The following RUNX1T1 variants were observed in gnomAD, a reference collection of about 807,000 sequenced individuals.
RUNX1T1 encodes RUNX1 partner transcriptional co-repressor 1, also known as protein CBFA2T1.
Under a neutral mutation model 62.8 loss-of-function variants are expected in RUNX1T1, and 4 were observed. That is an observed-to-expected ratio of 0.06 (90% CI 0.03 to 0.15). The LOEUF (loss-of-function observed/expected upper bound fraction) is 0.15. Ranked by LOEUF, RUNX1T1 falls within the 10% of genes least tolerant of loss-of-function variation. The probability of loss-of-function intolerance (pLI) is 1.00; values close to 1 mark genes in which losing one functional copy is unlikely to be tolerated. For missense variants in RUNX1T1, 508 were observed against 754.3 expected, an observed-to-expected ratio of 0.67 and a Z score of 3.82; for synonymous variants, 291 against 286.0, an observed-to-expected ratio of 1.02 and a Z score of -0.18.
chr8:92,088,907 G>A (rs547799248), intron 1 of RUNX1T1, among the ~76,000 whole-genome samples: 5 of 152,242 alleles, frequency 3.3e-5, no homozygotes, highest in Admixed American at 2.6e-4. Context: ...TACCAACTAC[G>A]AGTTCACTGT....
At chr8:92,021,375 C>A (rs1261981587) in intron 1 of RUNX1T1, among the ~76,000 whole-genome samples, 1 of 152,084 alleles carries the variant, frequency 6.6e-6, no homozygotes, top group Non-Finnish European at 1.5e-5. Flanking sequence ...GGAGACTATC[C>A]ATGGACCAGA....
At chr8:91,970,556 T>A (rs904425404) in intron 10 of RUNX1T1, 102 bp downstream of exon 11, 23 of 1,114,258 alleles carry the variant, frequency 2.1e-5, no homozygotes, top group Non-Finnish European at 2.8e-5. Context: ...GTTCTAAATT[T>A]TTTTCCAAAT....
At chr8:91,958,728 C>CAAA (rs34044770), downstream of RUNX1T1, 5 of 130,180 alleles carry the variant, frequency 3.8e-5, no homozygotes, top group Non-Finnish European at 6.3e-5. Context: ...AGAATTTGCT[C>CAAA]AAAAAAAAAA....
chr8:91,998,006 AAGACAT>A (rs1319720153), intron 5 of RUNX1T1, among the ~76,000 whole-genome samples: 1 of 152,224 alleles, frequency 6.6e-6, no homozygotes, highest in Admixed American at 6.5e-5. Context: ...ACGCAGACCA[AAGACAT>A]TAATAACATC....
At chr8:91,970,043 T>TGTTGTGTGTGTG (rs11374252) in intron 10 of RUNX1T1, among the ~76,000 whole-genome samples, 7 of 142,716 alleles carry the variant, frequency 4.9e-5, no homozygotes, top group African/African-American at 1.9e-4. Context: ...TGTGTGTGTG[T>TGTTGTGTGTGTG]TGTGTGTGTG....
At chr8:92,016,404 C>G (rs989897761) in intron 2 of RUNX1T1, among the ~76,000 whole-genome samples, 2 of 152,142 alleles carry the variant, frequency 1.3e-5, no homozygotes, top group African/African-American at 4.8e-5. Context: ...CGACCGGGTG[C>G]GGTGGCTCAC....
At chr8:92,054,159 C>G (rs1384983578) in intron 1 of RUNX1T1, among the ~76,000 whole-genome samples, 1 of 151,190 alleles carries the variant, frequency 6.6e-6, no homozygotes, top group Non-Finnish European at 1.5e-5. Flanking sequence ...TTTTCAGGCT[C>G]TCACTTAAGC....
At chr8:92,062,862 T>G in exon 1 of RUNX1T1, 1 of 1,390,916 alleles carries the variant, frequency 7.2e-7, no homozygotes. Flanking sequence ...TCACAACCCC[T>G]ACCCTCCCCT....
chr8:92,083,637 T>C (rs1336583653), intron 1 of RUNX1T1, among the ~76,000 whole-genome samples: 1 of 152,198 alleles, frequency 6.6e-6, no homozygotes, highest in Non-Finnish European at 1.5e-5. Flanking sequence ...AGGAATACTT[T>C]TACACTGTTG....
At chr8:92,097,511 C>A (rs1837839073) in intron 1 of RUNX1T1, among the ~76,000 whole-genome samples, 1 of 152,142 alleles carries the variant, frequency 6.6e-6, no homozygotes, top group Admixed American at 6.5e-5. Context: ...ACACAGACTA[C>A]ATACAAACAC....
intron 10 of RUNX1T1, among the ~76,000 whole-genome samples, chr8:91,962,646 T>C (rs1285336168): frequency 6.6e-6 from 1 of 152,246 alleles, no homozygotes; most frequent in Non-Finnish European, 1.5e-5. Context: ...TGAGGTATAA[T>C]ACTCAGTGCT....
intron 2 of RUNX1T1, among the ~76,000 whole-genome samples, chr8:92,073,754 C>T (rs536872799): frequency 5.3e-5 from 8 of 152,210 alleles, no homozygotes; most frequent in Non-Finnish European, 7.4e-5. Context: ...AGGAGTAAAA[C>T]GGTGCAATCA....
intron 1 of RUNX1T1, among the ~76,000 whole-genome samples, chr8:92,096,782 A>T (rs571870374): frequency 9.2e-5 from 14 of 152,242 alleles, no homozygotes; most frequent in African/African-American, 3.4e-4. Flanking sequence ...AAGGAATAAA[A>T]TGGGGATGAA....
downstream of RUNX1T1, chr8:91,956,279 C>G (rs900196631): frequency 1.3e-5 from 3 of 231,884 alleles, no homozygotes; most frequent in African/African-American, 6.6e-5. Flanking sequence ...CTCCTCCTGC[C>G]TGAGAAACAT....
At chr8:92,033,192 G>T (rs1277717365) in intron 1 of RUNX1T1, among the ~76,000 whole-genome samples, 1 of 152,068 alleles carries the variant, frequency 6.6e-6, no homozygotes, top group Non-Finnish European at 1.5e-5. Context: ...ACTGGAAACA[G>T]CCTAACTATT....
At chr8:92,102,917 C>A, upstream of RUNX1T1, 1 of 1,512,966 alleles carries the variant, frequency 6.6e-7, no homozygotes, top group Non-Finnish European at 8.8e-7. The surrounding 1 kb of genome is among the most constrained non-coding windows in gnomAD (Gnocchi z 4.5). Context: ...AATAAAACTT[C>A]CCGTCGTCTC....
intron 1 of RUNX1T1, among the ~76,000 whole-genome samples, chr8:92,078,854 C>T (rs529882039): frequency 3.7e-4 from 56 of 152,260 alleles, no homozygotes; most frequent in African/African-American, 1.2e-3. Flanking sequence ...TAACCATATG[C>T]GCAATGTATT....
At chr8:91,994,503 T>G in intron 5 of RUNX1T1, 2 of 447,116 alleles carry the variant, frequency 4.5e-6, no homozygotes, top group South Asian at 1.8e-5. Flanking sequence ...GGCATTGTGG[T>G]GTAGTGGAAA....
At chr8:92,070,049 C>G (rs916402673) in intron 2 of RUNX1T1, among the ~76,000 whole-genome samples, 1 of 152,232 alleles carries the variant, frequency 6.6e-6, no homozygotes, top group East Asian at 1.9e-4. Context: ...TTTCAGTCCA[C>G]ACTTACTGAG....
Sources: allele counts gnomAD v4.1 joint callset (sites outside exome capture counted in the v4.1 genomes callset), GRCh38; gene constraint gnomAD v4.1.1; non-coding constraint Gnocchi (gnomAD v3.1); transcripts MANE v1.5; gene names NCBI Gene and HGNC (gene_info 2026-07-23, HGNC 2026-07-21).